The following RAPGEF2 variants were observed in gnomAD, a reference collection of about 807,000 sequenced individuals.
RAPGEF2 encodes Rap guanine nucleotide exchange factor 2.
A neutral mutation model predicts 186.7 loss-of-function variants in RAPGEF2; 54 were observed. The ratio of observed to expected loss-of-function variants is 0.29; its 90% confidence interval spans 0.23 to 0.36. The LOEUF (loss-of-function observed/expected upper bound fraction) is 0.36. Among genes scored for constraint, RAPGEF2 ranks in the 10% least tolerant of loss-of-function variants. RAPGEF2 has a pLI of 1.00. For synonymous variants in RAPGEF2, 712 were observed against 705.9 expected, an observed-to-expected ratio of 1.01 and a Z score of -0.14; for missense variants, 1,532 against 2,045.0, an observed-to-expected ratio of 0.75 and a Z score of 4.84.
intron 20 of RAPGEF2, 54 bp from the exon 21 acceptor site, chr4:159,342,925 T>G: frequency 6.9e-7 from 1 of 1,455,482 alleles, no homozygotes; most frequent in Non-Finnish European, 9.5e-7. Flanking sequence ...CAATAAATAA[T>G]CTGTACACTA....
At chr4:159,149,325 A>C (rs953652058) in intron 1 of RAPGEF2, among the ~76,000 whole-genome samples, 1 of 152,008 alleles carries the variant, frequency 6.6e-6, no homozygotes, top group Non-Finnish European at 1.5e-5. Flanking sequence ...CAGTGGCGTG[A>C]TCTTGGCTCA....
chr4:159,255,653 G>A (rs1296165263), intron 7 of RAPGEF2, among the ~76,000 whole-genome samples: 1 of 152,134 alleles, frequency 6.6e-6, no homozygotes, highest in Non-Finnish European at 1.5e-5. Context: ...AATATTCTAC[G>A]TGATAAGGGG....
At chr4:159,318,655 C>T (rs1764886586) in intron 9 of RAPGEF2, among the ~76,000 whole-genome samples, 2 of 152,064 alleles carry the variant, frequency 1.3e-5, no homozygotes, top group African/African-American at 4.8e-5. Context: ...TTTGTAGGTA[C>T]TCCATTATTG....
chr4:159,301,469 CAT>C (rs1273849238), intron 7 of RAPGEF2, among the ~76,000 whole-genome samples: 5 of 152,164 alleles, frequency 3.3e-5, no homozygotes, highest in Admixed American at 6.5e-5. Context: ...TTACATATCT[CAT>C]ATTAAAAGGC....
chr4:159,355,891 C>T lies in RAPGEF2; in HGVS notation c.4690C>T (p.Pro1564Ser). The T allele has an allele frequency of 1.3e-6, 2 of 1,550,004 alleles. No homozygotes were observed. Among genetic ancestry groups the T allele is most frequent in the Non-Finnish European group, 1.7e-6 (2 of 1,144,818 alleles). The stretch of plus-strand genomic sequence containing the variant: ...CAGGTATCGAGAGCCCCCGCCCACC[C>T]CTCCCGGCTACATTGGAATTCCCAT... Reference protein sequence around the residue: ...EGRYREPPPTPPGYIGIPITD... With the variant: ...EGRYREPPPTSPGYIGIPITD... Residue 1564 changes from proline (P) to serine (S), a missense_variant, in exon 29 of 30, where the codon CCT (proline) becomes TCT (serine). Physicochemically the swap from Pro to Ser is moderately conservative, Grantham distance 74. This residue lies in a region of RAPGEF2 where 594 missense variants were observed against 608.5 expected (regional missense o/e 0.98). Transcript: ENST00000691494.
At chr4:159,160,409 T>C (rs1318194264) in intron 1 of RAPGEF2, among the ~76,000 whole-genome samples, 1 of 152,240 alleles carries the variant, frequency 6.6e-6, no homozygotes, top group Non-Finnish European at 1.5e-5. Flanking sequence ...AGGTCATACA[T>C]TACACAGTAA....
chr4:159,196,524 A>AAT (rs978536738), intron 3 of RAPGEF2, among the ~76,000 whole-genome samples: 16 of 148,184 alleles, frequency 1.1e-4, no homozygotes, highest in African/African-American at 3.7e-4. Flanking sequence ...TTGCCAGGTA[A>AAT]ATATAATACT....
chr4:159,308,673 A>G (rs1348250499), intron 8 of RAPGEF2, among the ~76,000 whole-genome samples: 1 of 152,226 alleles, frequency 6.6e-6, no homozygotes, highest in Non-Finnish European at 1.5e-5. Flanking sequence ...CCAGGGAGAT[A>G]TGGATAGAAT....
At chr4:159,104,534 CAG>C (rs1209953581) in intron 1 of RAPGEF2, among the ~76,000 whole-genome samples, 3,339 of 62,118 alleles carry the variant, frequency 0.054, 127 homozygotes, top group African/African-American at 0.14. Flanking sequence ...GAGGGAGAGA[CAG>C]AGAGAGAGAG....
intron 1 of RAPGEF2, among the ~76,000 whole-genome samples, chr4:159,180,190 T>A (rs1267197876): frequency 6.6e-6 from 1 of 152,262 alleles, no homozygotes; most frequent in African/African-American, 2.4e-5. Context: ...AACTAATATT[T>A]GGCTGCTGAC....
chr4:159,340,706 C>CAT (rs1554040736), intron 19 of RAPGEF2, among the ~76,000 whole-genome samples: 2 of 144,254 alleles, frequency 1.4e-5, no homozygotes, highest in Non-Finnish European at 3.0e-5. Context: ...CACACACACA[C>CAT]ATTTATGGAA....
At chr4:159,144,884 T>G (rs1326238621) in intron 1 of RAPGEF2, among the ~76,000 whole-genome samples, 1 of 49,834 alleles carries the variant, frequency 2.0e-5, no homozygotes, top group African/African-American at 8.5e-5. Context: ...TTCCTGTTTT[T>G]TTTTTTTTTT....
intron 6 of RAPGEF2, among the ~76,000 whole-genome samples, chr4:159,241,643 A>T (rs1754021483): frequency 6.6e-6 from 1 of 151,566 alleles, no homozygotes; most frequent in Non-Finnish European, 1.5e-5. Flanking sequence ...TTGAAATAAC[A>T]TGTCAACAGA....
chr4:159,138,133 T>C (rs1741920247), intron 1 of RAPGEF2, among the ~76,000 whole-genome samples: 1 of 152,218 alleles, frequency 6.6e-6, no homozygotes, highest in South Asian at 2.1e-4. Context: ...AGTATTGGGA[T>C]GAGAGGTATC....
At position 159,338,356 on chromosome 4, in the gene RAPGEF2, A is replaced by G. The variant is rs771112629; in HGVS notation, c.2181A>G (p.Leu727=). ...CTCAAGATGACAGCATAGTAGGATT[A>G]AGGCAGACAAAGCACATCCCAACTG... is the stretch of plus-strand genomic sequence containing the variant. ...GQSQDDSIVG[L]RQTKHIPTAL... The change falls in exon 18 of 30, where the codon TTA becomes TTG. Residue 727 remains leucine (L), a synonymous_variant. Transcript: ENST00000691494. 5 of 1,614,060 alleles carry G rather than the reference A, an allele frequency of 3.1e-6. No individual in the cohort carries two copies. In the South Asian group the frequency reaches 4.4e-5, roughly 14 times the overall value.
chr4:159,275,784 T>TA (rs1377250352), intron 7 of RAPGEF2, among the ~76,000 whole-genome samples: 1 of 151,996 alleles, frequency 6.6e-6, no homozygotes, highest in Non-Finnish European at 1.5e-5. Flanking sequence ...CTTTTCATGA[T>TA]AAAGGAAGAC....
chr4:159,166,327 A>G (rs1187802096), intron 1 of RAPGEF2, among the ~76,000 whole-genome samples: 1 of 152,134 alleles, frequency 6.6e-6, no homozygotes, highest in Non-Finnish European at 1.5e-5. Flanking sequence ...AAAAAAATGT[A>G]AGGAAAAGGG....
chr4:159,151,292 G>A (rs1275368333), intron 1 of RAPGEF2, among the ~76,000 whole-genome samples: 3 of 152,164 alleles, frequency 2.0e-5, no homozygotes, highest in Non-Finnish European at 2.9e-5. Flanking sequence ...AATGATAAAC[G>A]CTTATCTCAG....
At chr4:159,104,554 G>A (rs561699515) in intron 1 of RAPGEF2, among the ~76,000 whole-genome samples, 9 of 113,304 alleles carry the variant, frequency 7.9e-5, no homozygotes, top group Admixed American at 5.0e-4. Context: ...GAGAGAGAGA[G>A]TGTGTGTGTG....
Sources: gnomAD v4.1 joint callset for allele counts (sites outside exome capture counted in the v4.1 genomes callset) on GRCh38, gnomAD v4.1.1 for gene constraint, gnomAD v4.1.1 regional missense constraint, MANE v1.5 for transcripts, NCBI Gene and HGNC (gene_info 2026-07-23, HGNC 2026-07-21) for gene names.